The following ADAM29 variants were observed in gnomAD, a reference collection of about 807,000 sequenced individuals.
The protein encoded by ADAM29 is ADAM metallopeptidase domain 29.
For synonymous variants in ADAM29, 367 were observed against 342.3 expected (o/e 1.07, Z -0.80); for missense variants, 969 against 1,001.8 (o/e 0.97, Z 0.44).
chr4:174,934,002 T>C (rs11133063), intron 3 of ADAM29, among the ~76,000 whole-genome samples: 5 of 151,984 alleles, frequency 3.3e-5, no homozygotes, highest in African/African-American at 1.2e-4. Context: ...GTAATATGAT[T>C]GCTAGGTTGA....
At chr4:174,929,947 G>T (rs1277194904) in intron 2 of ADAM29, among the ~76,000 whole-genome samples, 1 of 151,882 alleles carries the variant, frequency 6.6e-6, no homozygotes, top group African/African-American at 2.4e-5. Flanking sequence ...GTTTGTTTTT[G>T]GGACAGAGCC....
chr4:174,950,265 A>T (rs1181637278), intron 4 of ADAM29, among the ~76,000 whole-genome samples: 4 of 152,218 alleles, frequency 2.6e-5, no homozygotes, highest in African/African-American at 7.2e-5. Flanking sequence ...GCACCAGAAT[A>T]GAATGTTTCA....
chr4:174,946,064 C>G (rs1477716557), intron 4 of ADAM29, among the ~76,000 whole-genome samples: 1 of 152,102 alleles, frequency 6.6e-6, no homozygotes, highest in African/African-American at 2.4e-5. Context: ...AGCACTGAAT[C>G]TGAACATTGC....
At chr4:174,952,350 C>CCACA (rs70947476) in intron 4 of ADAM29, among the ~76,000 whole-genome samples, 6,787 of 144,912 alleles carry the variant, frequency 0.047, 473 homozygotes, top group African/African-American at 0.16. Flanking sequence ...AGTGCAATAA[C>CCACA]CACACACACA....
At chr4:174,939,057 A>G (rs1000111476) in intron 4 of ADAM29, among the ~76,000 whole-genome samples, 51 of 152,120 alleles carry the variant, frequency 3.4e-4, no homozygotes, top group African/African-American at 1.2e-3. Flanking sequence ...AGGGCACACA[A>G]TAATCCAGGA....
chr4:174,953,563 T>C (rs904260967), intron 4 of ADAM29, among the ~76,000 whole-genome samples: 3 of 152,178 alleles, frequency 2.0e-5, no homozygotes, highest in Non-Finnish European at 2.9e-5. Flanking sequence ...TATACAGCAT[T>C]CAAAGGAGAA....
In ADAM29 at chr4:174,976,297, G is replaced by C. The variant is rs764489055; in HGVS notation, c.772G>C (p.Val258Leu). 2 of 1,612,318 alleles carry C rather than the reference G, an allele frequency of 1.2e-6. No individual in the cohort carries two copies. Among genetic ancestry groups the C allele is most frequent in the Non-Finnish European group, 1.7e-6 (2 of 1,179,554 alleles). ...GATCTGGACCAATAAAAACCTCATT[G>C]TAGTAGATGATGTAAGGAAATCTGT... ...LEIWTNKNLI[V>L]VDDVRKSVHL... Residue 258 changes from valine to leucine, a missense_variant, in exon 5 of 5, where the codon GTA becomes CTA. Physicochemically the swap from Val to Leu is conservative, Grantham distance 32. Transcript: ENST00000359240.
intron 2 of ADAM29, among the ~76,000 whole-genome samples, chr4:174,927,527 ACTAT>A (rs989447232): frequency 2.0e-5 from 3 of 152,210 alleles, no homozygotes; most frequent in African/African-American, 4.8e-5. Flanking sequence ...TTGTTATATT[ACTAT>A]CTAAGTAGTA....
At position 174,975,546 on chromosome 4, in the gene ADAM29, G is replaced by A; in HGVS notation, c.21G>A (p.Leu7=). ...TGAACATGAAGATGTTACTCCTGCT[G>A]CATTGCCTTGGGGTGTTTCTGTCCT... is the stretch of plus-strand genomic sequence containing the variant. MKMLLL[L]HCLGVFLSCS... is the part of the protein sequence containing the mutation. The change falls in exon 5 of 5, where the codon CTG becomes CTA. Residue 7 remains leucine, a synonymous_variant. Transcript: ENST00000359240. The A allele has an allele frequency of 1.3e-6, 2 of 1,515,346 alleles. No homozygotes were observed. The highest frequency in any genetic ancestry group is 1.3e-5 in the South Asian group (1 of 74,836). The allele number at this position is 1,515,346 out of a possible 1,614,324, so 93.9% of individuals were successfully genotyped here.
At chr4:174,955,624 T>C (rs1745458370) in intron 4 of ADAM29, among the ~76,000 whole-genome samples, 1 of 150,796 alleles carries the variant, frequency 6.6e-6, no homozygotes, top group African/African-American at 2.4e-5. Context: ...ATCTCAAAAT[T>C]TGTTATGCAT....
chr4:174,951,653 G>C (rs1204886714), intron 4 of ADAM29, among the ~76,000 whole-genome samples: 1 of 152,086 alleles, frequency 6.6e-6, no homozygotes, highest in African/African-American at 2.4e-5. Flanking sequence ...ATAATGCCTG[G>C]CACACAGTAA....
rs912661530 is a variant in ADAM29, at chr4:174,978,163, A to G, written c.*175A>G. 11 of 1,030,192 alleles carry G rather than the reference A, an allele frequency of 1.1e-5. No individual in the cohort carries two copies. The highest frequency in any genetic ancestry group is 1.6e-5 in the Non-Finnish European group (11 of 701,698). The allele number at this position is 1,030,192 out of a possible 1,614,324, so 63.8% of individuals were successfully genotyped here. Reference sequence around the variant, plus strand: ...AACTGTATCCAGAAAAGGTACATTAAAAAAATAATTCCTAGTATGTTTCTA... The same window carrying G: ...AACTGTATCCAGAAAAGGTACATTAGAAAAATAATTCCTAGTATGTTTCTA... On this transcript the variant is annotated 3_prime_UTR_variant, in exon 5 of 5. Coordinates refer to ENST00000359240, the MANE Select transcript of ADAM29 (RefSeq NM_014269.4).
chr4:174,948,819 GC>G (rs916350686), intron 4 of ADAM29, among the ~76,000 whole-genome samples: 16 of 152,142 alleles, frequency 1.1e-4, no homozygotes, highest in Non-Finnish European at 2.1e-4. Flanking sequence ...GTTTGTACCA[GC>G]AGTGGTGATG....
At chr4:174,927,425 A>G (rs935633955) in intron 2 of ADAM29, among the ~76,000 whole-genome samples, 4 of 152,162 alleles carry the variant, frequency 2.6e-5, no homozygotes, top group African/African-American at 9.7e-5. Context: ...CACCTTTACT[A>G]TGTTGAATGT....
chr4:174,978,131 T>C lies in ADAM29; in HGVS notation c.*143T>C. On this transcript the variant is annotated 3_prime_UTR_variant, in exon 5 of 5. Transcript: ENST00000359240. ...GGTAAACAAAAGCAATCAGTACCAA[T>C]TCCAAAAACTGTATCCAGAAAAGGT... 5.4e-6 allele frequency: 7 copies of C among 1,308,400 alleles called. No homozygotes were observed. Among genetic ancestry groups the C allele is most frequent in the Non-Finnish European group, 7.4e-6 (7 of 944,644 alleles). 81.0% of individuals were successfully genotyped at this position (1,308,400 alleles called of 1,614,324 possible).
At chr4:174,921,246 A>G (rs897790298) in intron 2 of ADAM29, among the ~76,000 whole-genome samples, 22 of 152,174 alleles carry the variant, frequency 1.4e-4, no homozygotes, top group African/African-American at 5.3e-4. Context: ...TTTCAACAAG[A>G]GAAATAAAAG....
intron 2 of ADAM29, among the ~76,000 whole-genome samples, chr4:174,921,523 T>C (rs1743164466): frequency 6.6e-6 from 1 of 152,160 alleles, no homozygotes; most frequent in South Asian, 2.1e-4. Flanking sequence ...AACAACCAAT[T>C]TCCAGATGGA....
intron 4 of ADAM29, among the ~76,000 whole-genome samples, chr4:174,951,917 T>C (rs1745200016): frequency 6.6e-6 from 1 of 152,124 alleles, no homozygotes; most frequent in Non-Finnish European, 1.5e-5. Flanking sequence ...TTCAGATAGA[T>C]AAGAGCAATT....
At chr4:174,953,384 T>C (rs1336033046) in intron 4 of ADAM29, among the ~76,000 whole-genome samples, 4 of 152,244 alleles carry the variant, frequency 2.6e-5, no homozygotes, top group Admixed American at 6.5e-5. Context: ...TACTAAAGTA[T>C]ACTATTTTCT....
Sources: gnomAD v4.1 joint callset for allele counts (sites outside exome capture counted in the v4.1 genomes callset) on GRCh38, gnomAD v4.1.1 for gene constraint, MANE v1.5 for transcripts, NCBI Gene and HGNC (gene_info 2026-07-23, HGNC 2026-07-21) for gene names.